The following COL25A1 variants were observed in gnomAD, a reference collection of about 807,000 sequenced individuals.
COL25A1 encodes collagen alpha-1(XXV) chain.
A neutral mutation model predicts 128.4 loss-of-function variants in COL25A1; 103 were observed. That is an observed-to-expected ratio of 0.80 (90% CI 0.68 to 0.94). COL25A1 has a LOEUF of 0.94. Ranked by LOEUF, COL25A1 falls within the 40% of genes least tolerant of loss-of-function variation. The pLI is 0.00. For synonymous variants in COL25A1, 279 were observed against 277.2 expected, an observed-to-expected ratio of 1.01 and a Z score of -0.06; for missense variants, 745 against 840.0, an observed-to-expected ratio of 0.89 and a Z score of 1.40.
In COL25A1 at chr4:109,251,613, C is replaced by G. The variant is rs190593359; in HGVS notation, c.367+48970G>C. ...CAGAGGCATGAGGAATCTAAAGTGG[C>G]CAGGGAGCAATCCTAACTTTCATTT... On this transcript the variant is annotated intron_variant, in intron 3 of 37. Transcript: ENST00000399132. 2.0e-4 allele frequency among the ~76,000 whole-genome samples: 30 copies of G among 152,240 alleles called. No individual in the cohort carries two copies. The East Asian group carries it at 4.6e-3, about 24-fold the overall frequency.
At chr4:109,057,404 A>G (rs1342599169) in intron 3 of COL25A1, among the ~76,000 whole-genome samples, 1 of 127,652 alleles carries the variant, frequency 7.8e-6, no homozygotes, top group African/African-American at 2.9e-5. Flanking sequence ...AGTAGCTGGG[A>G]CCACCATGCC....
chr4:108,888,237 C>G (rs552986995), intron 18 of COL25A1, among the ~76,000 whole-genome samples: 1 of 152,226 alleles, frequency 6.6e-6, no homozygotes, highest in Non-Finnish European at 1.5e-5. Flanking sequence ...CAATTATCCT[C>G]TCAATGACTT....
At chr4:109,054,095 A>G (rs1303463360) in intron 3 of COL25A1, among the ~76,000 whole-genome samples, 1 of 152,236 alleles carries the variant, frequency 6.6e-6, no homozygotes, top group East Asian at 1.9e-4. Context: ...TAGGTGTTCA[A>G]TAAACATTAG....
At chr4:108,916,622 C>G (rs1744907446) in intron 13 of COL25A1, among the ~76,000 whole-genome samples, 2 of 152,156 alleles carry the variant, frequency 1.3e-5, no homozygotes, top group Admixed American at 1.3e-4. Context: ...TATGCCATAT[C>G]TGTATTTTGT....
At chr4:109,245,012 C>T (rs1404444432) in intron 3 of COL25A1, among the ~76,000 whole-genome samples, 1 of 152,096 alleles carries the variant, frequency 6.6e-6, no homozygotes, top group Non-Finnish European at 1.5e-5. Context: ...AAACCTCCAA[C>T]TTTCTCAATA....
chr4:108,877,256 A>T (rs1739555230), intron 19 of COL25A1, among the ~76,000 whole-genome samples: 1 of 152,194 alleles, frequency 6.6e-6, no homozygotes, highest in Non-Finnish European at 1.5e-5. Flanking sequence ...TCTCACACTG[A>T]TCTTTCCATT....
At chr4:109,289,004 CAT>C (rs199651407) in intron 3 of COL25A1, among the ~76,000 whole-genome samples, 93 of 106,984 alleles carry the variant, frequency 8.7e-4, no homozygotes, top group South Asian at 1.7e-3. Flanking sequence ...CACACACACA[CAT>C]ATATATACAA....
At chr4:108,909,537 T>C (rs1490852590) in intron 13 of COL25A1, among the ~76,000 whole-genome samples, 1 of 152,236 alleles carries the variant, frequency 6.6e-6, no homozygotes, top group Non-Finnish European at 1.5e-5. Flanking sequence ...GTATGAGGTG[T>C]TTCAGAAATA....
At chr4:109,247,988 A>G (rs1780390039) in intron 3 of COL25A1, among the ~76,000 whole-genome samples, 1 of 152,188 alleles carries the variant, frequency 6.6e-6, no homozygotes, top group Admixed American at 6.5e-5. Context: ...GGAAGGAGGT[A>G]TAGTCAACAG....
At chr4:108,868,502 G>C (rs901994962) in intron 20 of COL25A1, among the ~76,000 whole-genome samples, 5 of 142,546 alleles carry the variant, frequency 3.5e-5, no homozygotes, top group Non-Finnish European at 6.0e-5. Context: ...GAAGGAAGGA[G>C]GGAGGGAGGG....
chr4:109,081,939 G>A (rs1763875220), intron 3 of COL25A1, among the ~76,000 whole-genome samples: 1 of 152,004 alleles, frequency 6.6e-6, no homozygotes, highest in Non-Finnish European at 1.5e-5. Context: ...CCTGACCTTA[G>A]GTAATCCGCC....
At chr4:109,227,391 C>T (rs1778876334) in intron 3 of COL25A1, among the ~76,000 whole-genome samples, 1 of 152,176 alleles carries the variant, frequency 6.6e-6, no homozygotes, top group African/African-American at 2.4e-5. Flanking sequence ...GAGCAGTAGT[C>T]GTACACGACT....
intron 3 of COL25A1, among the ~76,000 whole-genome samples, chr4:109,288,546 C>A (rs947523795): frequency 1.3e-5 from 2 of 151,898 alleles, no homozygotes; most frequent in African/African-American, 2.4e-5. Context: ...TAGGGTGGTT[C>A]CCTGGAAGTA....
intron 3 of COL25A1, among the ~76,000 whole-genome samples, chr4:109,243,395 C>T (rs1180973620): frequency 1.3e-5 from 2 of 151,812 alleles, no homozygotes. Flanking sequence ...AAGCTAAGAG[C>T]TCTGTAGGAC....
intron 5 of COL25A1, among the ~76,000 whole-genome samples, chr4:109,015,773 A>G (rs1311333320): frequency 6.6e-6 from 1 of 152,248 alleles, no homozygotes; most frequent in African/African-American, 2.4e-5. Flanking sequence ...AAGTTTGGCA[A>G]TGCAAGTAAG....
chr4:108,842,737 G>A (rs1164964219), intron 30 of COL25A1, among the ~76,000 whole-genome samples: 1 of 152,120 alleles, frequency 6.6e-6, no homozygotes, highest in African/African-American at 2.4e-5. Flanking sequence ...TTTATGATAT[G>A]AACAGGCTGT....
chr4:108,891,682 G>A (rs1426858617), intron 16 of COL25A1, among the ~76,000 whole-genome samples: 1 of 151,188 alleles, frequency 6.6e-6, no homozygotes, highest in Non-Finnish European at 1.5e-5. Flanking sequence ...TGAATTTGGG[G>A]CTTCCTAAAT....
chr4:109,048,083 G>T, intron 5 of COL25A1, 85 bp downstream of exon 5: 2 of 1,392,564 alleles, frequency 1.4e-6, no homozygotes, highest in South Asian at 1.2e-5. Flanking sequence ...TAGACATAGA[G>T]ACTATATTTT....
chr4:108,897,902 C>T (rs569097823), intron 15 of COL25A1, among the ~76,000 whole-genome samples: 2 of 152,262 alleles, frequency 1.3e-5, no homozygotes, highest in African/African-American at 4.8e-5. Context: ...TGCGGCAGGC[C>T]ACAAGAGCCT....
Sources: gnomAD v4.1 joint callset for allele counts (sites outside exome capture counted in the v4.1 genomes callset) on GRCh38, gnomAD v4.1.1 for gene constraint, MANE v1.5 for transcripts, NCBI Gene and HGNC (gene_info 2026-07-23, HGNC 2026-07-21) for gene names.